PTPN12: variants seen among roughly 807,000 people sequenced by gnomAD.
The protein encoded by PTPN12 is protein tyrosine phosphatase non-receptor type 12.
In PTPN12, 29 loss-of-function variants were observed where a neutral mutation model predicts 97.6. The observed-to-expected ratio is 0.30, with a 90% CI of 0.22 to 0.41. The LOEUF (loss-of-function observed/expected upper bound fraction) is 0.41, where lower values mean the gene tolerates loss of function less well. Ranked by LOEUF, PTPN12 falls within the 10% of genes least tolerant of loss-of-function variation. The probability of loss-of-function intolerance (pLI) is 1.00; values close to 1 mark genes in which losing one functional copy is unlikely to be tolerated. For missense variants in PTPN12, 819 were observed against 926.0 expected (o/e 0.88, Z 1.50); for synonymous variants, 327 against 300.4 (o/e 1.09, Z -0.91).
rs1221176753 is a variant in PTPN12 at position 77,639,659 on chromosome 7, A to G, written c.*379A>G. ...TATAATTTGATAAAGTTGCAATTGA[A>G]ATATTATTAACAGAAGATGTAAGAA... On this transcript the variant is annotated 3_prime_UTR_variant, in exon 18 of 18. Coordinates refer to ENST00000248594, the MANE Select transcript of PTPN12 (RefSeq NM_002835.4). 1 of 164,076 alleles carries G rather than the reference A, an allele frequency of 6.1e-6. No individual in the cohort carries two copies. The highest frequency in any genetic ancestry group is 1.7e-4 in the East Asian group (1 of 5,970). The allele number at this position is 164,076 out of a possible 1,614,324, so 10.2% of individuals were successfully genotyped here. A position where few individuals can be genotyped will look rare whatever the true frequency, so the allele number is the denominator to read the frequency against.
intron 3 of PTPN12, 127 bp from the exon 4 acceptor site, chr7:77,583,428 C>A (rs958061973): frequency 4.8e-6 from 3 of 629,714 alleles, no homozygotes; most frequent in Non-Finnish European, 5.5e-6. Context: ...ATGAAAGACA[C>A]ATTATTTGGA....
At chr7:77,551,101 C>T (rs1461285867) in intron 1 of PTPN12, among the ~76,000 whole-genome samples, 2 of 152,144 alleles carry the variant, frequency 1.3e-5, no homozygotes, top group Admixed American at 6.5e-5. Context: ...CGCTCTGTCA[C>T]CCAGGCTGGG....
Position 77,605,421 on chromosome 7 carries a change from T to G in PTPN12, c.696-1814T>G, listed in dbSNP as rs1422377106. ...ACTTTTGTCATGAGTTTTTTTTTTTTTTTTTTTTTTTTTTTTGAGACGGAG... is the reference window on the plus strand; with the variant it reads ...ACTTTTGTCATGAGTTTTTTTTTTTGTTTTTTTTTTTTTTTTGAGACGGAG... On this transcript the variant is annotated intron_variant, in intron 8 of 17. Coordinates refer to ENST00000248594, the MANE Select transcript of PTPN12 (RefSeq NM_002835.4). Among the ~76,000 whole-genome samples the G allele has an allele frequency of 5.3e-5, 7 of 131,760 alleles. No individual in the cohort carries two copies. In the South Asian group the frequency reaches 7.8e-4, roughly 15 times the overall value. 86.4% of individuals were successfully genotyped at this position (131,760 alleles called of 152,430 possible).
chr7:77,612,665 C>G lies in PTPN12; in HGVS notation c.939+1619C>G, dbSNP rs190428079. Among the ~76,000 whole-genome samples the G allele has an allele frequency of 1.6e-4, 24 of 151,986 alleles. No homozygotes were observed. The East Asian group carries it at 4.7e-3, about 29-fold the overall frequency. The stretch of plus-strand genomic sequence containing the variant: ...GTTGGTCAGGCTGGTCTCGAACTCC[C>G]AACCTCAGGTGATCCGCCTGCCTCA... On this transcript the variant is annotated intron_variant, in intron 11 of 17. Coordinates refer to ENST00000248594, the MANE Select transcript of PTPN12 (RefSeq NM_002835.4).
intron 8 of PTPN12, chr7:77,604,913 ATC>A (rs1562742911): frequency 2.3e-6 from 1 of 426,898 alleles, no homozygotes; most frequent in Non-Finnish European, 4.8e-6. Context: ...GAACGGTCTG[ATC>A]TCTGGAGAAT....
chr7:77,590,800 G>T (rs1787843241), intron 5 of PTPN12, among the ~76,000 whole-genome samples: 1 of 151,908 alleles, frequency 6.6e-6, no homozygotes, highest in African/African-American at 2.4e-5. Flanking sequence ...CTTGCCTTAA[G>T]TCATCCACCC....
Position 77,618,514 on chromosome 7 carries a change from T to C in PTPN12, c.974T>C (p.Ile325Thr), listed in dbSNP as rs774610169. Reference sequence around the variant, plus strand: ...AACACTGAAAACATGGTCAGCTCCATAGAGCCTGAAAAACAAGATTCTCCT... The same window carrying C: ...AACACTGAAAACATGGTCAGCTCCACAGAGCCTGAAAAACAAGATTCTCCT... ...EINTENMVSS[I>T]EPEKQDSPPP... Residue 325 changes from isoleucine to threonine, a missense_variant, in exon 12 of 18, where the codon ATA (isoleucine) becomes ACA (threonine). By Grantham distance (89) the Ile-to-Thr change is moderately conservative. Around this residue, in one of 5 missense-constraint regions of PTPN12, gnomAD observed 607 missense variants for 577.3 expected, o/e 1.05. Transcript: ENST00000248594. 5.0e-6 allele frequency: 8 copies of C among 1,609,328 alleles called. No individual in the cohort carries two copies. Among genetic ancestry groups the C allele is most frequent in the Non-Finnish European group, 6.8e-6 (8 of 1,176,480 alleles).
At chr7:77,592,943 A>G (rs915686918) in intron 6 of PTPN12, among the ~76,000 whole-genome samples, 1 of 152,164 alleles carries the variant, frequency 6.6e-6, no homozygotes. Context: ...TTTAGGTGCC[A>G]TAAAAAGACT....
chr7:77,584,267 T>C (rs990159251), intron 4 of PTPN12, among the ~76,000 whole-genome samples: 1 of 152,274 alleles, frequency 6.6e-6, no homozygotes, highest in Non-Finnish European at 1.5e-5. Flanking sequence ...ATTTTTGTCT[T>C]ACGGCTTTTT....
At chr7:77,625,475 C>CTCTCTCTCTCTCTCTCTCTCTT (rs1789117461) in intron 12 of PTPN12, among the ~76,000 whole-genome samples, 1 of 20,818 alleles carries the variant, frequency 4.8e-5, no homozygotes, top group Non-Finnish European at 8.9e-5. Flanking sequence ...GCTGCTCGCT[C>CTCTCTCTCTCTCTCTCTCTCTT]TCTCTCTCTC....
rs1562720920 is a variant in PTPN12 at position 77,573,109 on chromosome 7, A to G, written c.208+1923A>G. Among the ~76,000 whole-genome samples, 2 of 147,978 alleles carry G rather than the reference A, an allele frequency of 1.4e-5. 1 individual carries two copies. The highest frequency in any genetic ancestry group is 3.0e-5 in the Non-Finnish European group (2 of 67,394). On this transcript the variant is annotated intron_variant, in intron 2 of 17. Transcript: ENST00000248594. ...AAAAAAAAAAAAACAAAAAAACAAAAAAAACCAGTGTACCTAGCACATAGT... is the reference window on the plus strand; with the variant it reads ...AAAAAAAAAAAAACAAAAAAACAAAGAAAACCAGTGTACCTAGCACATAGT...
In PTPN12 at chr7:77,627,414, C is replaced by T. The variant is rs1189264048; in HGVS notation, c.1735C>T (p.Pro579Ser). 6.2e-7 allele frequency: 1 copy of T among 1,614,120 alleles called. No individual in the cohort carries two copies. The highest frequency in any genetic ancestry group is 1.7e-5 in the Admixed American group (1 of 60,012). ...AAGTCCTACAACACAAGTTGAAACA[C>T]CTGATCTTGTGGATCATGATAACAC... is the stretch of plus-strand genomic sequence containing the variant. ...TPSPTTQVETPDLVDHDNTSP... is the reference protein window; with the variant it reads ...TPSPTTQVETSDLVDHDNTSP... Residue 579 changes from proline (P) to serine (S), a missense_variant, in exon 13 of 18, where the codon CCT (proline) becomes TCT (serine). Pro to Ser is a moderately conservative substitution (Grantham distance 74). Coordinates refer to ENST00000248594, the MANE Select transcript of PTPN12 (RefSeq NM_002835.4).
intron 12 of PTPN12, among the ~76,000 whole-genome samples, chr7:77,624,830 GA>G: frequency 6.6e-6 from 1 of 151,504 alleles, no homozygotes; most frequent in East Asian, 1.9e-4. Flanking sequence ...CCTGGGGGGA[GA>G]AAAAAAAGCA....
chr7:77,538,237 T>C, intron 1 of PTPN12: 1 of 372,178 alleles, frequency 2.7e-6, no homozygotes, highest in Non-Finnish European at 3.7e-6. Context: ...AGGAATCTCA[T>C]GGGTTTACCT....
chr7:77,625,474 T>TTGCGCGCG (rs1554326606), intron 12 of PTPN12, among the ~76,000 whole-genome samples: 6 of 29,164 alleles, frequency 2.1e-4, no homozygotes, highest in African/African-American at 4.8e-4. Context: ...GGCTGCTCGC[T>TTGCGCGCG]CTCTCTCTCT....
At position 77,568,518 on chromosome 7, in the gene PTPN12, C is replaced by T. The variant is rs996557934; in HGVS notation, c.100-2560C>T. Among the ~76,000 whole-genome samples the T allele has an allele frequency of 5.3e-5, 8 of 152,124 alleles. No individual in the cohort carries two copies. The East Asian group carries it at 1.5e-3, about 29-fold the overall frequency. On this transcript the variant is annotated intron_variant, in intron 1 of 17. Transcript: ENST00000248594. The stretch of plus-strand genomic sequence containing the variant: ...ATTAGCTGGGCATGGTGACATGAGC[C>T]TGTGGTTCCAGCCACTTTGGAGGCT...
chr7:77,592,170 T>C lies in PTPN12; in HGVS notation c.421-15T>C, dbSNP rs115075275. On this transcript the variant is annotated splice_polypyrimidine_tract_variant and intron_variant, in intron 5 of 17. Coordinates refer to ENST00000248594, the MANE Select transcript of PTPN12 (RefSeq NM_002835.4). Reference sequence around the variant, plus strand: ...TTACATGAATTACTTACTAATTTTTTTTTTTGGATGACAGAAAAAATGTGA... The same window carrying C: ...TTACATGAATTACTTACTAATTTTTCTTTTTGGATGACAGAAAAAATGTGA... 5.8e-4 allele frequency: 933 copies of C among 1,598,548 alleles called. 3 individuals are homozygous for C. In the African/African-American group the frequency reaches 0.01, roughly 18 times the overall value.
chr7:77,637,681 AC>A (rs1789641900), intron 16 of PTPN12, among the ~76,000 whole-genome samples: 1 of 151,610 alleles, frequency 6.6e-6, no homozygotes, highest in Non-Finnish European at 1.5e-5. Flanking sequence ...ACATGGTGAA[AC>A]CCCGTCTCTA....
chr7:77,621,747 T>C (rs1788947002), intron 12 of PTPN12, among the ~76,000 whole-genome samples: 2 of 152,190 alleles, frequency 1.3e-5, no homozygotes, highest in Non-Finnish European at 2.9e-5. Flanking sequence ...CGTAATTACA[T>C]GTGCTGTGCT....
Sources: allele counts gnomAD v4.1 joint callset (sites outside exome capture counted in the v4.1 genomes callset), GRCh38; gene constraint gnomAD v4.1.1; regional missense constraint gnomAD v4.1.1; transcripts MANE v1.5; gene names NCBI Gene and HGNC (gene_info 2026-07-23, HGNC 2026-07-21).